The following ATP8B4 variants were observed in gnomAD, a reference collection of about 807,000 sequenced individuals.
ATP8B4 encodes the protein probable phospholipid-transporting ATPase IM.
In ATP8B4, 133 loss-of-function variants were observed where a neutral mutation model predicts 145.6. That is an observed-to-expected ratio of 0.91 (90% CI 0.79 to 1.05). The LOEUF (loss-of-function observed/expected upper bound fraction) is 1.05. Ranked by LOEUF, ATP8B4 falls within the 50% of genes least tolerant of loss-of-function variation. The pLI, the probability that ATP8B4 is intolerant of heterozygous loss-of-function variation, is 0.00. For synonymous variants in ATP8B4, 507 were observed against 492.9 expected (o/e 1.03, Z -0.38); for missense variants, 1,458 against 1,425.2 (o/e 1.02, Z -0.37).
chr15:49,984,562 G>C (rs2046424376), intron 10 of ATP8B4, among the ~76,000 whole-genome samples: 1 of 152,112 alleles, frequency 6.6e-6, no homozygotes, highest in African/African-American at 2.4e-5. Flanking sequence ...GCAGCCCTTA[G>C]AGTAAGAGTG....
At chr15:50,052,103 C>T (rs2052232143) in intron 3 of ATP8B4, among the ~76,000 whole-genome samples, 1 of 152,198 alleles carries the variant, frequency 6.6e-6, no homozygotes, top group Admixed American at 6.5e-5. Flanking sequence ...TTCCACTGCC[C>T]TGTCCAAGCA....
In ATP8B4 at chr15:49,897,276, A is replaced by C. The variant is rs182900605; in HGVS notation, c.2697+16T>G. On this transcript the variant is annotated intron_variant, in intron 23 of 27. Transcript: ENST00000284509. Reference sequence around the variant, plus strand: ...CAAACAAACAAACAAACAAAAAAAAACATGCTTTTACCAACCTGGGCTGAG... The same window carrying C: ...CAAACAAACAAACAAACAAAAAAAACCATGCTTTTACCAACCTGGGCTGAG... 5,100 of 1,577,212 alleles carry C rather than the reference A, an allele frequency of 3.2e-3. 13 individuals carry two copies. The highest frequency in any genetic ancestry group is 4.1e-3 in the Non-Finnish European group (4,749 of 1,152,916).
At chr15:50,133,905 G>C (rs1314039756) in intron 1 of ATP8B4, among the ~76,000 whole-genome samples, 1 of 152,116 alleles carries the variant, frequency 6.6e-6, no homozygotes, top group Non-Finnish European at 1.5e-5. Flanking sequence ...GGAGGCCAAG[G>C]CAGGAGGATC....
intron 6 of ATP8B4, among the ~76,000 whole-genome samples, chr15:50,014,252 G>A (rs1471929831): frequency 6.6e-6 from 1 of 152,056 alleles, no homozygotes; most frequent in African/African-American, 2.4e-5. Context: ...TTAACCCTGA[G>A]CTTGGTTTCT....
chr15:50,085,506 T>C (rs375854283), intron 2 of ATP8B4, among the ~76,000 whole-genome samples: 21 of 152,122 alleles, frequency 1.4e-4, no homozygotes, highest in South Asian at 1.2e-3. Context: ...ATCCACGCAG[T>C]GCCGTAACAT....
chr15:50,077,618 T>C lies in ATP8B4; in HGVS notation c.29-3433A>G, dbSNP rs1340455105. On this transcript the variant is annotated intron_variant, in intron 2 of 27. Transcript: ENST00000284509. ...TATGCCTATTATCTTGTCAAAATAA[T>C]TGATAGGTTCCCCTTTTATTCTCAA... 2.0e-5 allele frequency among the ~76,000 whole-genome samples: 3 copies of C among 152,184 alleles called. No homozygotes were observed. The East Asian group carries it at 5.8e-4, about 29-fold the overall frequency.
intron 12 of ATP8B4, among the ~76,000 whole-genome samples, chr15:49,977,317 C>A (rs562795595): frequency 6.6e-6 from 1 of 152,164 alleles, no homozygotes; most frequent in South Asian, 2.1e-4. Context: ...AATGCTTTTT[C>A]CCTCGAGTTA....
At chr15:50,033,199 A>G (rs1049060309) in intron 6 of ATP8B4, among the ~76,000 whole-genome samples, 23 of 152,368 alleles carry the variant, frequency 1.5e-4, no homozygotes, top group African/African-American at 4.8e-4. Flanking sequence ...TGATGGAAAC[A>G]GGCCTATGAG....
intron 1 of ATP8B4, among the ~76,000 whole-genome samples, chr15:50,127,513 G>A (rs1296639356): frequency 6.6e-6 from 1 of 152,216 alleles, no homozygotes; most frequent in Non-Finnish European, 1.5e-5. Flanking sequence ...ATCAGTCAAT[G>A]TAATTTCTAG....
At chr15:49,862,144 AATTTC>A in intron 27 of ATP8B4, 96 bp downstream of exon 27, 1 of 1,424,178 alleles carries the variant, frequency 7.0e-7, no homozygotes, top group Non-Finnish European at 9.5e-7. Flanking sequence ...TGCTTGTGAC[AATTTC>A]ATTAGCCCAT....
chr15:50,076,372 G>C (rs1477392108), intron 2 of ATP8B4, among the ~76,000 whole-genome samples: 1 of 152,006 alleles, frequency 6.6e-6, no homozygotes, highest in African/African-American at 2.4e-5. Context: ...CATGCCTATA[G>C]TCCCAGCTAC....
intron 23 of ATP8B4, among the ~76,000 whole-genome samples, chr15:49,894,035 C>T (rs1231182771): frequency 6.6e-6 from 1 of 152,208 alleles, no homozygotes; most frequent in Non-Finnish European, 1.5e-5. Flanking sequence ...GGTACTGTCA[C>T]TGACTGGCTG....
Position 49,987,464 on chromosome 15 carries a change from G to A in ATP8B4, c.675C>T (p.Asn225=). 1 of 1,613,782 alleles carries A rather than the reference G, an allele frequency of 6.2e-7. No homozygotes were observed. The highest frequency in any genetic ancestry group is 8.5e-7 in the Non-Finnish European group (1 of 1,179,780). The change falls in exon 10 of 28, where the codon AAC becomes AAT. Residue 225 remains asparagine, a synonymous_variant. Coordinates refer to ENST00000284509, the MANE Select transcript of ATP8B4 (RefSeq NM_024837.4). ...AGCCTCTCAGGATTATCTTCTCATT[G>A]TTGAGGGAATGCTTGCTGTCTTTCC... ...LSWKDSKHSL[N]NEKIILRGCI...
chr15:50,146,014 C>CTTTTT lies in ATP8B4; in HGVS notation c.-43+36242_-43+36246dup, dbSNP rs10624735. Reference sequence around the variant, plus strand: ...TACTCTTGAACCACATAAATGTTTACTTTTTTTTTTTTTTTTGAGACGGAG... The same window carrying CTTTTT: ...TACTCTTGAACCACATAAATGTTTACTTTTTTTTTTTTTTTTTTTTTGAGACGGAG... On this transcript the variant is annotated intron_variant, in intron 1 of 3. Coordinates refer to the ATP8B4 transcript ENST00000558829. Among the ~76,000 whole-genome samples the CTTTTT allele has an allele frequency of 3.1e-4, 41 of 133,456 alleles. 1 individual carries two copies. Among genetic ancestry groups the CTTTTT allele is most frequent in the African/African-American group, 4.0e-4 (14 of 35,290 alleles). The allele number at this position is 133,456 out of a possible 152,430, so 87.6% of individuals were successfully genotyped here. A position where few individuals can be genotyped will look rare whatever the true frequency, so the allele number is the denominator to read the frequency against.
In ATP8B4 at chr15:50,073,087, A is replaced by G. The variant is rs140231428; in HGVS notation, c.87+1040T>C. On this transcript the variant is annotated intron_variant, in intron 3 of 27. Transcript: ENST00000284509. ...TACGCATATATATATGTGTGTGTGT[A>G]TATATATGTGTGTGTGTGTTTTTAA... Among the ~76,000 whole-genome samples, 537 of 145,992 alleles carry G rather than the reference A, an allele frequency of 3.7e-3. 7 individuals carry two copies. The highest frequency in any genetic ancestry group is 0.013 in the African/African-American group (507 of 39,444).
chr15:50,001,792 A>T (rs2047913556), intron 8 of ATP8B4, among the ~76,000 whole-genome samples: 1 of 152,160 alleles, frequency 6.6e-6, no homozygotes, highest in Non-Finnish European at 1.5e-5. Context: ...CTTTTAAAGT[A>T]ACATCAGTCC....
chr15:50,119,752 C>CTTTT (rs572570694), upstream of ATP8B4, among the ~76,000 whole-genome samples: 730 of 91,576 alleles, frequency 8.0e-3, 82 homozygotes, highest in East Asian at 0.12. Context: ...GTTTTTGTCA[C>CTTTT]TTTTTTTTTT....
At chr15:49,964,936 A>C (rs543836242) in intron 13 of ATP8B4, among the ~76,000 whole-genome samples, 17 of 152,370 alleles carry the variant, frequency 1.1e-4, no homozygotes, top group African/African-American at 4.1e-4. Context: ...TATTTTCAAT[A>C]TTCTGATTAA....
chr15:49,987,350 G>A, intron 10 of ATP8B4, 41 bp downstream of exon 10: 1 of 1,598,402 alleles, frequency 6.3e-7, no homozygotes, highest in Non-Finnish European at 8.5e-7. Flanking sequence ...TACGTTGCAG[G>A]AAAGGTTCCC....
Sources: gnomAD v4.1 joint callset for allele counts (sites outside exome capture counted in the v4.1 genomes callset) on GRCh38, gnomAD v4.1.1 for gene constraint, MANE v1.5 for transcripts, NCBI Gene and HGNC (gene_info 2026-07-23, HGNC 2026-07-21) for gene names.